The following PKNOX2 variants were observed in gnomAD, a reference collection of about 807,000 sequenced individuals.
PKNOX2 encodes PBX/knotted 1 homeobox 2, also known as homeobox protein PKNOX2.
A neutral mutation model predicts 53.1 loss-of-function variants in PKNOX2; 14 were observed. That is an observed-to-expected ratio of 0.26 (90% confidence interval 0.17 to 0.41). PKNOX2 has a LOEUF of 0.41. PKNOX2 is among the 10% of genes least tolerant of loss of function. The probability of loss-of-function intolerance (pLI) is 1.00; values close to 1 mark genes in which losing one functional copy is unlikely to be tolerated. For missense variants in PKNOX2, 496 were observed against 602.8 expected (o/e 0.82, Z 1.85); for synonymous variants, 257 against 242.8 (o/e 1.06, Z -0.54).
Position 125,178,577 on chromosome 11 carries a change from G to GGAAAGAAAGAAAGAAA in PKNOX2, c.-201+13804_-201+13805insAGAAAGAAAGAAAGAA, listed in dbSNP as rs1317090688. 2.9e-4 allele frequency among the ~76,000 whole-genome samples: 10 copies of GGAAAGAAAGAAAGAAA among 34,116 alleles called. 1 individual carries two copies. The highest frequency in any genetic ancestry group is 1.9e-3 in the African/African-American group (10 of 5,398). 22.4% of individuals were successfully genotyped at this position (34,116 alleles called of 152,430 possible). A position where few individuals can be genotyped will look rare whatever the true frequency, so the allele number is the denominator to read the frequency against. ...AGGAAGGAAGGAACGAAGGAAGGAA[G>GGAAAGAAAGAAAGAAA]GAAGGAAGGAAGGAAGGAAGGAAGG... is the stretch of plus-strand genomic sequence containing the variant. On this transcript the variant is annotated intron_variant, in intron 1 of 12. Transcript: ENST00000298282.
chr11:125,378,806 C>T (rs1325824670), intron 5 of PKNOX2, among the ~76,000 whole-genome samples: 2 of 152,186 alleles, frequency 1.3e-5, no homozygotes, highest in African/African-American at 2.4e-5. Flanking sequence ...GGTGACCACC[C>T]TCGCCCCCGC....
At chr11:125,317,779 G>T (rs1949290597) in intron 2 of PKNOX2, among the ~76,000 whole-genome samples, 1 of 152,142 alleles carries the variant, frequency 6.6e-6, no homozygotes, top group African/African-American at 2.4e-5. Context: ...ATGAGCCCTG[G>T]CTTCAACCTA....
At chr11:125,411,630 T>C in intron 9 of PKNOX2, 116 bp from the exon 10 acceptor site, 1 of 1,558,920 alleles carries the variant, frequency 6.4e-7, no homozygotes, top group South Asian at 1.1e-5. Context: ...CCCAGGGCCC[T>C]AGGAATGAGC....
At chr11:125,380,604 G>T (rs1953154779) in intron 5 of PKNOX2, among the ~76,000 whole-genome samples, 1 of 152,208 alleles carries the variant, frequency 6.6e-6, no homozygotes, top group African/African-American at 2.4e-5. Flanking sequence ...GCCCATGGAG[G>T]ATGTGGACCC....
chr11:125,410,393 G>C, intron 8 of PKNOX2, 68 bp downstream of exon 8: 1 of 1,593,436 alleles, frequency 6.3e-7, no homozygotes, highest in Non-Finnish European at 8.5e-7. Flanking sequence ...GCCCCGAGGC[G>C]GTTCCAGGGG....
At chr11:125,195,883 G>GCACGTACACA (rs1190771243) in intron 1 of PKNOX2, among the ~76,000 whole-genome samples, 4 of 143,916 alleles carry the variant, frequency 2.8e-5, no homozygotes, top group African/African-American at 1.0e-4. Flanking sequence ...ATATGTACAT[G>GCACGTACACA]CACACACACA....
intron 4 of PKNOX2, among the ~76,000 whole-genome samples, chr11:125,355,339 G>C (rs1462334836): frequency 6.6e-6 from 1 of 151,304 alleles, no homozygotes; most frequent in Non-Finnish European, 1.5e-5. Context: ...AACCCTCCCT[G>C]TGACCTACTT....
rs780593273 is a variant in PKNOX2 at position 125,429,126 on chromosome 11, AG to A, written c.1013+42del. The A allele has an allele frequency of 5.2e-6, 8 of 1,544,668 alleles. No individual in the cohort carries two copies. The Admixed American group carries it at 6.7e-5, about 13-fold the overall frequency. On this transcript the variant is annotated intron_variant, in intron 11 of 12. Transcript: ENST00000298282. ...CACCTGCATGCAGGCTCCCAGATCCAGGGGCCACCTTCTGGGCAGGGGAATG... is the reference window on the plus strand; with the variant it reads ...CACCTGCATGCAGGCTCCCAGATCCAGGGCCACCTTCTGGGCAGGGGAATG...
chr11:125,389,238 C>T (rs1050454711), intron 6 of PKNOX2, among the ~76,000 whole-genome samples: 20 of 151,982 alleles, frequency 1.3e-4, no homozygotes, highest in African/African-American at 2.9e-4. Flanking sequence ...GGGAGAAGCA[C>T]GCCCTATCTC....
intron 6 of PKNOX2, among the ~76,000 whole-genome samples, chr11:125,391,286 GGAGA>G (rs1481948073): frequency 6.6e-6 from 1 of 152,146 alleles, no homozygotes; most frequent in African/African-American, 2.4e-5. Context: ...ATGAGATAAT[GGAGA>G]GAAAGCACTT....
chr11:125,214,683 C>T (rs2135465759), intron 1 of PKNOX2, among the ~76,000 whole-genome samples: 1 of 152,154 alleles, frequency 6.6e-6, no homozygotes, highest in South Asian at 2.1e-4. Context: ...GCAATGCAGC[C>T]CCTGCCTGAG....
chr11:125,226,702 C>A (rs1941725095), intron 1 of PKNOX2, among the ~76,000 whole-genome samples: 1 of 151,644 alleles, frequency 6.6e-6, no homozygotes, highest in African/African-American at 2.4e-5. Flanking sequence ...CTAGATGGTA[C>A]AACTAGGAGC....
intron 2 of PKNOX2, among the ~76,000 whole-genome samples, chr11:125,242,002 AG>A: frequency 6.6e-6 from 1 of 152,090 alleles, no homozygotes; most frequent in South Asian, 2.1e-4. Flanking sequence ...GTGAAGGTGG[AG>A]GGGGATGGCG....
At chr11:125,185,559 T>C (rs1956402600) in intron 1 of PKNOX2, among the ~76,000 whole-genome samples, 1 of 152,124 alleles carries the variant, frequency 6.6e-6, no homozygotes, top group Non-Finnish European at 1.5e-5. Flanking sequence ...TCTATCTCTA[T>C]GAATTTGACT....
chr11:125,299,783 G>A (rs11220013), intron 2 of PKNOX2, among the ~76,000 whole-genome samples: 1 of 152,080 alleles, frequency 6.6e-6, no homozygotes, highest in South Asian at 2.1e-4. Context: ...GGATCCCCTC[G>A]CATCCCCCCA....
rs546110951 is a variant in PKNOX2 at position 125,193,472 on chromosome 11, G to A, written c.-201+28696G>A. 5.9e-5 allele frequency among the ~76,000 whole-genome samples: 9 copies of A among 152,196 alleles called. No homozygotes were observed. The East Asian group carries it at 9.7e-4, about 16-fold the overall frequency. ...TCCATTTAAAGCGAGCCTTCTGTCC[G>A]TGCCAGTGTGCATGTGTGCATACAA... On this transcript the variant is annotated intron_variant, in intron 1 of 12. Transcript: ENST00000298282.
intron 2 of PKNOX2, among the ~76,000 whole-genome samples, chr11:125,271,745 A>G (rs935501083): frequency 5.3e-5 from 8 of 151,764 alleles, no homozygotes; most frequent in Non-Finnish European, 1.2e-4. Context: ...CCCAGGGTCC[A>G]TAAGGAGCAC....
intron 2 of PKNOX2, among the ~76,000 whole-genome samples, chr11:125,299,044 C>T (rs1035893737): frequency 7.9e-5 from 12 of 151,644 alleles, no homozygotes; most frequent in East Asian, 5.8e-4. Flanking sequence ...AGCATCTTCT[C>T]GGGTTTGGGG....
chr11:125,290,675 A>G (rs1296325367), intron 2 of PKNOX2, among the ~76,000 whole-genome samples: 1 of 152,184 alleles, frequency 6.6e-6, no homozygotes, highest in Non-Finnish European at 1.5e-5. Context: ...CATTCAACAA[A>G]CACTAGGTCC....
Sources: gnomAD v4.1 joint callset for allele counts (sites outside exome capture counted in the v4.1 genomes callset) on GRCh38, gnomAD v4.1.1 for gene constraint, MANE v1.5 for transcripts, NCBI Gene and HGNC (gene_info 2026-07-23, HGNC 2026-07-21) for gene names.